The following KLHL29 variants were observed in gnomAD, a reference collection of about 807,000 sequenced individuals.
The protein encoded by KLHL29 is kelch like family member 29.
A neutral mutation model predicts 80.4 loss-of-function variants in KLHL29; 21 were observed. The ratio of observed to expected loss-of-function variants is 0.26; its 90% CI spans 0.19 to 0.38. The LOEUF (loss-of-function observed/expected upper bound fraction) is 0.38. Ranked by LOEUF, KLHL29 falls within the 10% of genes least tolerant of loss-of-function variation. KLHL29 has a pLI of 1.00. For synonymous variants in KLHL29, 511 were observed against 526.8 expected (o/e 0.97, Z 0.41); for missense variants, 867 against 1,223.9 (o/e 0.71, Z 4.35).
intron 3 of KLHL29, among the ~76,000 whole-genome samples, chr2:23,583,424 T>C (rs1668036445): frequency 6.6e-6 from 1 of 152,226 alleles, no homozygotes; most frequent in Non-Finnish European, 1.5e-5. Flanking sequence ...TCACACCTTC[T>C]TCCTTGGTGT....
intron 5 of KLHL29, among the ~76,000 whole-genome samples, chr2:23,661,485 T>C (rs1438364566): frequency 6.6e-6 from 1 of 152,200 alleles, no homozygotes; most frequent in South Asian, 2.1e-4. Context: ...CCCCCTGCGT[T>C]CGTCACAGGG....
At chr2:23,608,017 C>T (rs1668771165) in intron 3 of KLHL29, among the ~76,000 whole-genome samples, 1 of 151,992 alleles carries the variant, frequency 6.6e-6, no homozygotes, top group South Asian at 2.1e-4. Context: ...TTTCTAGGGA[C>T]CCCGGAATTG....
At chr2:23,531,086 T>C (rs1490855497) in intron 2 of KLHL29, among the ~76,000 whole-genome samples, 1 of 152,116 alleles carries the variant, frequency 6.6e-6, no homozygotes, top group Non-Finnish European at 1.5e-5. Context: ...GGATGCACAG[T>C]GAGGTAGAGG....
intron 1 of KLHL29, among the ~76,000 whole-genome samples, chr2:23,423,483 C>T (rs926153447): frequency 3.3e-5 from 5 of 152,244 alleles, no homozygotes; most frequent in African/African-American, 7.2e-5. Context: ...TGTCACAGTC[C>T]GTGCCTTGTC....
At chr2:23,569,560 A>G (rs1042083185) in intron 3 of KLHL29, among the ~76,000 whole-genome samples, 1 of 152,142 alleles carries the variant, frequency 6.6e-6, no homozygotes, top group Non-Finnish European at 1.5e-5. Flanking sequence ...TAGCTACATT[A>G]TGGGTTAAAT....
chr2:23,674,924 C>T (rs1228169090), intron 5 of KLHL29, among the ~76,000 whole-genome samples: 1 of 152,160 alleles, frequency 6.6e-6, no homozygotes, highest in Non-Finnish European at 1.5e-5. Flanking sequence ...TGGCCCTCCC[C>T]CAGCCCACCT....
chr2:23,516,212 A>G (rs558865016), intron 2 of KLHL29, among the ~76,000 whole-genome samples: 29 of 151,500 alleles, frequency 1.9e-4, no homozygotes, highest in African/African-American at 7.1e-4. Flanking sequence ...GCAGGGCTCT[A>G]CTTACAGAAG....
intron 3 of KLHL29, among the ~76,000 whole-genome samples, chr2:23,624,495 T>C (rs1669261649): frequency 6.6e-6 from 1 of 152,202 alleles, no homozygotes; most frequent in Non-Finnish European, 1.5e-5. Context: ...TGCCCCTCAC[T>C]ATCTGTATCT....
At chr2:23,412,049 T>A (rs781748919) in intron 1 of KLHL29, among the ~76,000 whole-genome samples, 1 of 150,710 alleles carries the variant, frequency 6.6e-6, no homozygotes, top group African/African-American at 2.4e-5. Flanking sequence ...AGAGGAAGTG[T>A]TGTGGGAATG....
At chr2:23,540,122 C>T (rs1436099741) in intron 2 of KLHL29, among the ~76,000 whole-genome samples, 1 of 152,206 alleles carries the variant, frequency 6.6e-6, no homozygotes, top group African/African-American at 2.4e-5. Context: ...GGCCATTTGC[C>T]TTCATGTCCC....
intron 2 of KLHL29, chr2:23,532,609 A>G (rs1369944651): frequency 2.2e-6 from 1 of 456,726 alleles, no homozygotes; most frequent in Admixed American, 2.3e-5. Flanking sequence ...GCACCACTGG[A>G]GTGACAAGAT....
intron 2 of KLHL29, among the ~76,000 whole-genome samples, chr2:23,544,562 G>A (rs1043920566): frequency 3.3e-5 from 5 of 152,214 alleles, no homozygotes; most frequent in Non-Finnish European, 7.3e-5. Context: ...GGGACACACA[G>A]AAATCTAAGT....
chr2:23,552,259 G>C (rs181750103), intron 2 of KLHL29, among the ~76,000 whole-genome samples: 16 of 152,204 alleles, frequency 1.1e-4, no homozygotes, highest in African/African-American at 3.9e-4. Context: ...GGAGCAGAGC[G>C]CAGAAGAAAC....
chr2:23,564,527 T>C (rs1368593154), intron 3 of KLHL29, among the ~76,000 whole-genome samples: 2 of 152,202 alleles, frequency 1.3e-5, no homozygotes, highest in Non-Finnish European at 2.9e-5. Context: ...GGTCCCTTGG[T>C]GCCCAGGAGC....
At chr2:23,441,532 A>G (rs1019540668) in intron 1 of KLHL29, among the ~76,000 whole-genome samples, 3 of 152,064 alleles carry the variant, frequency 2.0e-5, no homozygotes, top group African/African-American at 7.2e-5. Context: ...AAAAAAACTT[A>G]GTAACCTAAA....
intron 1 of KLHL29, among the ~76,000 whole-genome samples, chr2:23,458,604 A>G (rs1664126714): frequency 6.6e-6 from 1 of 152,240 alleles, no homozygotes. Flanking sequence ...TCATAGCTCT[A>G]CAGCCAGGAT....
intron 5 of KLHL29, among the ~76,000 whole-genome samples, chr2:23,660,474 C>A (rs779881171): frequency 6.6e-6 from 1 of 152,232 alleles, no homozygotes; most frequent in South Asian, 2.1e-4. Flanking sequence ...ACATGAGGAG[C>A]TGCCAAAAAC....
In KLHL29 at chr2:23,706,718, C is replaced by T. The variant is rs1044751318; in HGVS notation, c.*54C>T. 2.1e-5 allele frequency: 28 copies of T among 1,320,462 alleles called. No homozygotes were observed. The highest frequency in any genetic ancestry group is 2.4e-5 in the Non-Finnish European group (24 of 1,003,116). The allele number at this position is 1,320,462 out of a possible 1,614,324, so 81.8% of individuals were successfully genotyped here. A position where few individuals can be genotyped will look rare whatever the true frequency, so the allele number is the denominator to read the frequency against. ...TGGACAAGTCTGGTGAGGCAAGTGC[C>T]ACGCAATGATAATTTTCCAGCGACA... On this transcript the variant is annotated 3_prime_UTR_variant, in exon 14 of 14. Coordinates refer to ENST00000486442, the MANE Select transcript of KLHL29 (RefSeq NM_052920.2).
chr2:23,402,925 T>A (rs1010841971), intron 1 of KLHL29, among the ~76,000 whole-genome samples: 6 of 150,476 alleles, frequency 4.0e-5, no homozygotes, highest in African/African-American at 1.5e-4. Flanking sequence ...GTATATATCT[T>A]ATATATCATA....
Sources: gnomAD v4.1 joint callset for allele counts (sites outside exome capture counted in the v4.1 genomes callset) on GRCh38, gnomAD v4.1.1 for gene constraint, MANE v1.5 for transcripts, NCBI Gene and HGNC (gene_info 2026-07-23, HGNC 2026-07-21) for gene names.